The following PERM1 variants were observed in gnomAD, a reference collection of about 807,000 sequenced individuals.
PERM1 encodes PGC-1 and ERR-induced regulator in muscle protein 1.
A neutral mutation model predicts 44.1 loss-of-function variants in PERM1; 45 were observed. The ratio of observed to expected loss-of-function variants is 1.02; its 90% CI spans 0.80 to 1.31. The LOEUF (loss-of-function observed/expected upper bound fraction) is 1.31. Ranked by LOEUF, PERM1 falls within the 50% of genes most tolerant of loss-of-function variation. The probability of loss-of-function intolerance (pLI) is 0.00; values close to 1 mark genes in which losing one functional copy is unlikely to be tolerated. For missense variants in PERM1, 1,189 were observed against 1,106.9 expected (o/e 1.07, Z -1.05); for synonymous variants, 565 against 477.1 (o/e 1.18, Z -2.40).
At chr1:976,323 T>C (rs1435290734) in intron 2 of PERM1, 54 bp from the exon 4 acceptor site, 2 of 1,466,984 alleles carry the variant, frequency 1.4e-6, no homozygotes, top group Non-Finnish European at 1.8e-6. Context: ...CGGCACCGTC[T>C]GCCCGCAAGA....
chr1:981,484 G>A (rs1643791952), upstream of PERM1, among the ~76,000 whole-genome samples: 1 of 152,236 alleles, frequency 6.6e-6, no homozygotes, highest in African/African-American at 2.4e-5. Context: ...GGGTCCACCC[G>A]ATGGGACCAG....
At chr1:980,988 G>A (rs866073786) in exon 1 of PERM1, 173 of 1,509,858 alleles carry the variant, frequency 1.1e-4, no homozygotes, top group Middle Eastern at 1.1e-3. Context: ...ACTCGGCCCA[G>A]TCCTGGTCAC....
chr1:975,876 G>A, exon 3 of PERM1: 1 of 404,108 alleles, frequency 2.5e-6, no homozygotes, highest in Non-Finnish European at 4.4e-6. Flanking sequence ...TTGCCTGTCT[G>A]AAATTAACCG....
chr1:979,916 C>G, exon 1 of PERM1: 6 of 1,550,154 alleles, frequency 3.9e-6, no homozygotes, highest in Non-Finnish European at 5.2e-6. Flanking sequence ...GTAGACACAG[C>G]CGTGTCAGAT....
exon 1 of PERM1, chr1:980,683 C>A: frequency 7.0e-7 from 1 of 1,425,540 alleles, no homozygotes; most frequent in Non-Finnish European, 9.1e-7. Context: ...GGCGCCGGGG[C>A]CGAGGGACGG....
chr1:976,204 G>T (rs956928007), exon 3 of PERM1: 36 of 1,541,870 alleles, frequency 2.3e-5, no homozygotes, highest in Non-Finnish European at 3.0e-5. Context: ...TGGCTGCGGC[G>T]CCCTTGCCCC....
chr1:978,632 G>A (rs1486320016), intron 1 of PERM1, among the ~76,000 whole-genome samples: 4 of 152,232 alleles, frequency 2.6e-5, no homozygotes, highest in South Asian at 2.1e-4. Flanking sequence ...GAGGGACGCC[G>A]CCGTCACATG....
chr1:980,105 G>C, exon 1 of PERM1: 1 of 1,549,514 alleles, frequency 6.5e-7, no homozygotes, highest in South Asian at 1.2e-5. Flanking sequence ...TCCCTGTCAG[G>C]TTGCGGCTCG....
At chr1:978,900 G>A in exon 1 of PERM1, 1 of 1,497,364 alleles carries the variant, frequency 6.7e-7, no homozygotes, top group Non-Finnish European at 8.9e-7. Flanking sequence ...TAAGAGCCAG[G>A]TGGAGCCGCT....
intron 1 of PERM1, 73 bp downstream of exon 2, chr1:978,808 C>T: frequency 1.5e-6 from 2 of 1,355,588 alleles, no homozygotes; most frequent in Non-Finnish European, 1.9e-6. Context: ...CCCTGCGGCC[C>T]CCTGCTTGGC....
Position 980,110 on chromosome 1 carries a change from G to A in PERM1, c.920C>T (p.Pro307Leu), listed in dbSNP as rs138027487. ...CACAGCCATGTCCCTGTCAGGTTGCGGCTCGGAGGCAGGTGTAGACACAGC... is the reference window on the plus strand; with the variant it reads ...CACAGCCATGTCCCTGTCAGGTTGCAGCTCGGAGGCAGGTGTAGACACAGC... Residue 307 changes from proline to leucine, a missense_variant, in exon 1 of 3, where the codon CCG (proline) becomes CTG (leucine). Around this residue, in one of 3 missense-constraint regions of PERM1, gnomAD observed 900 missense variants for 760.4 expected, o/e 1.18. Transcript: ENST00000433179. 1.0e-3 allele frequency: 1,603 copies of A among 1,550,118 alleles called. 9 individuals are homozygous for A. In the African/African-American group the frequency reaches 0.019, roughly 19 times the overall value.
chr1:981,477 T>C (rs912685885), upstream of PERM1, among the ~76,000 whole-genome samples: 5 of 152,228 alleles, frequency 3.3e-5, no homozygotes, highest in African/African-American at 1.2e-4. Context: ...CCTTTCAGGG[T>C]CCACCCGATG....
upstream of PERM1, among the ~76,000 whole-genome samples, chr1:981,668 C>T (rs892759678): frequency 8.5e-5 from 13 of 152,366 alleles, no homozygotes; most frequent in African/African-American, 3.1e-4. Flanking sequence ...CCAGAGCTGG[C>T]CCAAGTCAGC....
In PERM1 at chr1:976,273, C is replaced by A. The variant is rs1439478538; in HGVS notation, c.2276-4G>T. 1.3e-6 allele frequency: 2 copies of A among 1,510,430 alleles called. No individual in the cohort carries two copies. The highest frequency in any genetic ancestry group is 1.8e-6 in the Non-Finnish European group (2 of 1,129,136). 93.6% of individuals were successfully genotyped at this position (1,510,430 alleles called of 1,614,324 possible). ...GTGCCGACGTTGGCCAGCAAGGCTG[C>A]AAGAGAAGCACAGGCTCTTCTGAGG... On this transcript the variant is annotated splice_region_variant and splice_polypyrimidine_tract_variant and intron_variant, in intron 2 of 2. Coordinates refer to ENST00000433179, the Ensembl canonical transcript of PERM1.
chr1:981,587 G>A (rs1408966112), upstream of PERM1, among the ~76,000 whole-genome samples: 1 of 152,260 alleles, frequency 6.6e-6, no homozygotes, highest in Non-Finnish European at 1.5e-5. Flanking sequence ...CAGGTGCCCA[G>A]CCCTCGGCGA....
At chr1:980,692 G>A (rs1251570024) in exon 1 of PERM1, 45 of 1,424,750 alleles carry the variant, frequency 3.2e-5, no homozygotes, top group African/African-American at 8.6e-5. Context: ...GCCGAGGGAC[G>A]GTGGAGCTTC....
exon 1 of PERM1, chr1:979,116 C>G: frequency 6.5e-7 from 1 of 1,549,872 alleles, no homozygotes; most frequent in Non-Finnish European, 8.7e-7. Context: ...GATCAGCTCT[C>G]GGGAGCGGCT....
chr1:979,929 C>T (rs1420772297), exon 1 of PERM1: 18 of 1,550,002 alleles, frequency 1.2e-5, no homozygotes, highest in East Asian at 2.4e-5. Context: ...TGTCAGATTG[C>T]GGCTTGGAGG....
At chr1:979,025 T>C (rs1643704305) in exon 1 of PERM1, 2 of 1,538,238 alleles carry the variant, frequency 1.3e-6, no homozygotes, top group Non-Finnish European at 1.8e-6. Flanking sequence ...CCCTCAAGCC[T>C]GTCCTCCCCG....
Sources: gnomAD v4.1 joint callset for allele counts (sites outside exome capture counted in the v4.1 genomes callset) on GRCh38, gnomAD v4.1.1 for gene constraint, gnomAD v4.1.1 regional missense constraint, MANE v1.5 for transcripts, NCBI Gene and HGNC (gene_info 2026-07-23, HGNC 2026-07-21) for gene names.